The following CLASP1 variants were observed in gnomAD, a reference collection of about 807,000 sequenced individuals.
CLASP1 encodes the protein CLIP-associating protein 1.
Under a neutral mutation model 192.3 loss-of-function variants are expected in CLASP1, and 38 were observed. The observed-to-expected ratio is 0.20, with a 90% confidence interval of 0.15 to 0.26. The LOEUF (loss-of-function observed/expected upper bound fraction) is 0.26, where lower values mean the gene tolerates loss of function less well. Ranked by LOEUF, CLASP1 falls within the 10% of genes least tolerant of loss-of-function variation. The pLI is 1.00. For missense variants in CLASP1, 1,433 were observed against 1,932.5 expected, an observed-to-expected ratio of 0.74 and a Z score of 4.85; for synonymous variants, 691 against 712.8, an observed-to-expected ratio of 0.97 and a Z score of 0.49.
chr2:121,483,508 G>T lies in CLASP1; in HGVS notation c.713-13548C>A, dbSNP rs556199897. Among the ~76,000 whole-genome samples the T allele has an allele frequency of 2.0e-5, 3 of 151,370 alleles. No homozygotes were observed. In the South Asian group the frequency reaches 6.3e-4, roughly 32 times the overall value. On this transcript the variant is annotated intron_variant, in intron 8 of 39. Transcript: ENST00000263710. ...TATATATATATGTGTGTATATATAT[G>T]TATGTATATATGTGTGTGTATATAT...
At chr2:121,406,904 A>T (rs2076991194) in intron 25 of CLASP1, among the ~76,000 whole-genome samples, 1 of 152,050 alleles carries the variant, frequency 6.6e-6, no homozygotes, top group Non-Finnish European at 1.5e-5. Context: ...ATCTTTTATC[A>T]GCTTAATAAA....
intron 19 of CLASP1, 90 bp from the exon 20 acceptor site, chr2:121,430,267 C>T: frequency 6.4e-6 from 6 of 930,284 alleles, no homozygotes; most frequent in Non-Finnish European, 9.9e-6. Flanking sequence ...AAGAGGGGCA[C>T]TGACCAGCCA....
chr2:121,566,449 T>C (rs4482489), intron 2 of CLASP1, among the ~76,000 whole-genome samples: 37,904 of 152,048 alleles, frequency 0.25, 7,500 homozygotes, highest in African/African-American at 0.55. Context: ...CCTCTCTTGT[T>C]TTTCTTGAAA....
rs146160340 is a variant in CLASP1, at chr2:121,411,490, C to T, written c.2321-521G>A. Among the ~76,000 whole-genome samples the T allele has an allele frequency of 5.8e-3, 888 of 152,156 alleles. 7 individuals carry two copies. Among genetic ancestry groups the T allele is most frequent in the Non-Finnish European group, 0.01 (693 of 67,998 alleles). The stretch of plus-strand genomic sequence containing the variant: ...TTTAATTTTAGATACTTGTTCGTCA[C>T]GATGCCTGTGTCAACAAAAATTACT... On this transcript the variant is annotated intron_variant, in intron 23 of 39. Coordinates refer to ENST00000263710, the Ensembl canonical transcript of CLASP1.
In CLASP1 at chr2:121,595,179, A is replaced by C. The variant is rs1213988023; in HGVS notation, c.195+10522T>G. On this transcript the variant is annotated intron_variant, in intron 2 of 39. Coordinates refer to ENST00000263710, the Ensembl canonical transcript of CLASP1. ...AGAAAATACTGCATATTGCTTCAGC[A>C]GTGGGTGCTACAGTCAGACTATTCC... Among the ~76,000 whole-genome samples the C allele has an allele frequency of 3.9e-5, 6 of 152,222 alleles. No individual in the cohort carries two copies. In the East Asian group the frequency reaches 7.7e-4, roughly 20 times the overall value.
intron 9 of CLASP1, among the ~76,000 whole-genome samples, chr2:121,466,940 T>C (rs2089704644): frequency 6.6e-6 from 1 of 152,176 alleles, no homozygotes; most frequent in Non-Finnish European, 1.5e-5. Context: ...ACCAGCACAT[T>C]AGCTATTCTT....
In CLASP1 at chr2:121,400,565, A is replaced by G. The variant is rs139696251; in HGVS notation, c.2900+944T>C. On this transcript the variant is annotated intron_variant, in intron 28 of 39. Transcript: ENST00000263710. ...AGGTGAGGACACACACCCACAAGAT[A>G]GCCTGCAACAATAAAAACAGACAAC... 2.1e-3 allele frequency among the ~76,000 whole-genome samples: 327 copies of G among 152,360 alleles called. 1 individual carries two copies. The highest frequency in any genetic ancestry group is 7.4e-3 in the African/African-American group (307 of 41,588).
At chr2:121,603,616 A>T (rs2064060664) in intron 2 of CLASP1, among the ~76,000 whole-genome samples, 1 of 152,194 alleles carries the variant, frequency 6.6e-6, no homozygotes, top group Admixed American at 6.5e-5. Flanking sequence ...TATGGAAGAG[A>T]TATCTGCTCC....
chr2:121,578,854 C>T (rs560603836), intron 2 of CLASP1, among the ~76,000 whole-genome samples: 1 of 150,794 alleles, frequency 6.6e-6, no homozygotes, highest in African/African-American at 2.4e-5. Flanking sequence ...CACACACACA[C>T]AAAAAAAAAC....
At chr2:121,410,482 C>T (rs1349937993) in intron 24 of CLASP1, among the ~76,000 whole-genome samples, 2 of 151,704 alleles carry the variant, frequency 1.3e-5, no homozygotes, top group African/African-American at 4.8e-5. Context: ...CTAGGTTATG[C>T]CATCAAAGTC....
chr2:121,626,147 A>G (rs2068326234), intron 1 of CLASP1, among the ~76,000 whole-genome samples: 2 of 152,068 alleles, frequency 1.3e-5, no homozygotes, highest in East Asian at 1.9e-4. Context: ...CATTTGATAC[A>G]GTATGACAGC....
chr2:121,641,892 G>T (rs572928546), intron 1 of CLASP1, among the ~76,000 whole-genome samples: 1 of 152,100 alleles, frequency 6.6e-6, no homozygotes, highest in African/African-American at 2.4e-5. Flanking sequence ...GGATGTGCTG[G>T]TGTGCACCTA....
At chr2:121,496,278 T>A (rs2093529386) in intron 8 of CLASP1, among the ~76,000 whole-genome samples, 1 of 152,212 alleles carries the variant, frequency 6.6e-6, no homozygotes, top group Non-Finnish European at 1.5e-5. Flanking sequence ...GACACCCTTT[T>A]GAGTCAGCCT....
chr2:121,363,390 C>T, intron 36 of CLASP1, 90 bp from the exon 38 acceptor site: 3 of 1,524,358 alleles, frequency 2.0e-6, no homozygotes, highest in South Asian at 2.4e-5. Flanking sequence ...GCCAAGCACC[C>T]AGTTCTGGGT....
intron 19 of CLASP1, among the ~76,000 whole-genome samples, chr2:121,442,197 C>A (rs994195589): frequency 6.6e-6 from 1 of 152,108 alleles, no homozygotes; most frequent in African/African-American, 2.4e-5. Flanking sequence ...CATATGACAT[C>A]TAATCATAAA....
At chr2:121,453,360 A>T (rs1175350439) in intron 14 of CLASP1, among the ~76,000 whole-genome samples, 1 of 152,184 alleles carries the variant, frequency 6.6e-6, no homozygotes, top group Non-Finnish European at 1.5e-5. Flanking sequence ...TGGAGATCCA[A>T]TGATAACCAA....
At chr2:121,397,080 A>G (rs1036635339) in intron 30 of CLASP1, 60 bp downstream of exon 31, 2 of 1,572,480 alleles carry the variant, frequency 1.3e-6, no homozygotes, top group South Asian at 2.2e-5. Flanking sequence ...TTCTAAATAC[A>G]TTTCTCTAAC....
chr2:121,617,798 G>T (rs2066707013), intron 1 of CLASP1, among the ~76,000 whole-genome samples: 1 of 152,120 alleles, frequency 6.6e-6, no homozygotes, highest in Non-Finnish European at 1.5e-5. Context: ...CCCTCACACT[G>T]CTCACTCCAA....
intron 1 of CLASP1, among the ~76,000 whole-genome samples, chr2:121,607,172 T>C (rs1207507035): frequency 6.6e-6 from 1 of 151,966 alleles, no homozygotes; most frequent in Non-Finnish European, 1.5e-5. Context: ...TGAAACCCTG[T>C]CTCTAAAAAT....
Sources: gnomAD v4.1 joint callset for allele counts (sites outside exome capture counted in the v4.1 genomes callset) on GRCh38, gnomAD v4.1.1 for gene constraint, MANE v1.5 for transcripts, NCBI Gene and HGNC (gene_info 2026-07-23, HGNC 2026-07-21) for gene names.